The following MARCHF1 variants were observed in gnomAD, a reference collection of about 807,000 sequenced individuals.
MARCHF1 encodes the protein membrane associated ring-CH-type finger 1.
A neutral mutation model predicts 54.2 loss-of-function variants in MARCHF1; 40 were observed. That is an observed-to-expected ratio of 0.74 (90% confidence interval 0.57 to 0.96). The LOEUF is 0.96. Ranked by LOEUF, MARCHF1 falls within the 40% of genes least tolerant of loss-of-function variation. The pLI is 0.00. For missense variants in MARCHF1, 586 were observed against 656.5 expected (o/e 0.89, Z 1.17); for synonymous variants, 236 against 236.3 (o/e 1.00, Z 0.01).
rs541592444 is a variant in MARCHF1 at position 164,347,446 on chromosome 4, AG to A, written c.-323+36423del. On this transcript the variant is annotated intron_variant, in intron 1 of 9. Transcript: ENST00000514618. ...TTTCCTCTATTATCCCACTCAGCCA[AG>A]GGGCTTGACATACCCTCTGCATCAT... Among the ~76,000 whole-genome samples, 565 of 152,284 alleles carry A rather than the reference AG, an allele frequency of 3.7e-3. 3 individuals are homozygous for A. Among genetic ancestry groups the A allele is most frequent in the African/African-American group, 0.013 (537 of 41,568 alleles).
chr4:164,372,030 G>A lies in MARCHF1; in HGVS notation c.-323+11840C>T, dbSNP rs563458988. On this transcript the variant is annotated intron_variant, in intron 1 of 9. Transcript: ENST00000514618. ...CAGGAGGTCAAGGCTGCCAGTGATG[G>A]CGCCACGGCATTCCAGCCTGGGTGA... is the stretch of plus-strand genomic sequence containing the variant. Among the ~76,000 whole-genome samples the A allele has an allele frequency of 1.6e-4, 24 of 152,306 alleles. No homozygotes were observed. The East Asian group carries it at 4.4e-3, about 28-fold the overall frequency.
At chr4:164,315,019 GA>G (rs1734958884) in intron 1 of MARCHF1, among the ~76,000 whole-genome samples, 1 of 152,050 alleles carries the variant, frequency 6.6e-6, no homozygotes, top group African/African-American at 2.4e-5. Flanking sequence ...ATGTCAAACA[GA>G]GTACATTAGC....
intron 1 of MARCHF1, among the ~76,000 whole-genome samples, chr4:164,304,079 T>C (rs1352704291): frequency 6.6e-6 from 1 of 152,132 alleles, no homozygotes; most frequent in Non-Finnish European, 1.5e-5. Flanking sequence ...TATAAATTAA[T>C]CCTTAAAGAT....
In MARCHF1 at chr4:164,182,332, C is replaced by A. The variant is rs140238179; in HGVS notation, c.-322-70670G>T. Among the ~76,000 whole-genome samples, 163 of 151,788 alleles carry A rather than the reference C, an allele frequency of 1.1e-3. 1 individual carries two copies. The highest frequency in any genetic ancestry group is 3.9e-3 in the African/African-American group (160 of 41,446). On this transcript the variant is annotated intron_variant, in intron 1 of 9. Transcript: ENST00000514618. ...AATATATAGCAATTTTTAAATATTT[C>A]TATAAAATATTTTCAAAAACAAAAT...
intron 1 of MARCHF1, among the ~76,000 whole-genome samples, chr4:164,236,275 T>C (rs568157803): frequency 6.6e-6 from 1 of 152,270 alleles, no homozygotes; most frequent in East Asian, 1.9e-4. Flanking sequence ...TTTCCATTAA[T>C]AAATCAATAT....
chr4:164,033,978 C>T (rs1161891195), intron 2 of MARCHF1, among the ~76,000 whole-genome samples: 3 of 151,910 alleles, frequency 2.0e-5, no homozygotes, highest in East Asian at 1.9e-4. Flanking sequence ...TGCATGTATA[C>T]GTTTTCTGCA....
chr4:164,312,256 C>T (rs375229350), intron 1 of MARCHF1, among the ~76,000 whole-genome samples: 28 of 151,068 alleles, frequency 1.9e-4, no homozygotes, highest in East Asian at 1.7e-3. Context: ...TAGAATTGCA[C>T]GTAAAGCAAC....
intron 5 of MARCHF1, among the ~76,000 whole-genome samples, chr4:163,693,437 G>A (rs1488394549): frequency 1.3e-5 from 2 of 151,336 alleles, no homozygotes; most frequent in Non-Finnish European, 2.9e-5. Context: ...TCTGAGTGGG[G>A]CCTAGAATGA....
chr4:164,100,217 A>G (rs1755510483), intron 2 of MARCHF1, among the ~76,000 whole-genome samples: 1 of 71,782 alleles, frequency 1.4e-5, no homozygotes, highest in Non-Finnish European at 3.3e-5. Flanking sequence ...CAATAGCAAG[A>G]GAAACGTGTA....
At chr4:163,765,469 C>G (rs1441920002) in intron 4 of MARCHF1, among the ~76,000 whole-genome samples, 1 of 152,072 alleles carries the variant, frequency 6.6e-6, no homozygotes, top group African/African-American at 2.4e-5. Context: ...ACTAATCTGT[C>G]AATTGTAGCC....
At chr4:163,922,691 G>A (rs558433113) in intron 3 of MARCHF1, among the ~76,000 whole-genome samples, 2 of 152,154 alleles carry the variant, frequency 1.3e-5, no homozygotes, top group Non-Finnish European at 2.9e-5. Context: ...AGCTACATTA[G>A]ATATTTTAGC....
intron 4 of MARCHF1, among the ~76,000 whole-genome samples, chr4:163,803,610 G>T (rs945932455): frequency 5.3e-5 from 8 of 152,166 alleles, no homozygotes; most frequent in African/African-American, 1.9e-4. Flanking sequence ...CTCAAGCATA[G>T]TGCCCACTTG....
At chr4:164,134,439 T>C (rs529850399) in intron 1 of MARCHF1, among the ~76,000 whole-genome samples, 2 of 152,322 alleles carry the variant, frequency 1.3e-5, no homozygotes, top group African/African-American at 4.8e-5. Flanking sequence ...ATACATTACA[T>C]TTTCTCTGCT....
chr4:163,623,095 C>T lies in MARCHF1; in HGVS notation c.163-9702G>A, dbSNP rs919727890. Among the ~76,000 whole-genome samples the T allele has an allele frequency of 1.8e-4, 27 of 152,198 alleles. 1 individual carries two copies. The highest frequency in any genetic ancestry group is 6.0e-4 in the African/African-American group (25 of 41,544). ...GGTTTGAAGTACTAGCCCATGTCACCTCCCATTTTTCAACAGAAATTGCCA... is the reference window on the plus strand; with the variant it reads ...GGTTTGAAGTACTAGCCCATGTCACTTCCCATTTTTCAACAGAAATTGCCA... On this transcript the variant is annotated intron_variant, in intron 5 of 9. Transcript: ENST00000514618.
intron 1 of MARCHF1, among the ~76,000 whole-genome samples, chr4:164,183,638 C>T (rs748509635): frequency 1.1e-4 from 16 of 152,178 alleles, no homozygotes; most frequent in Middle Eastern, 6.8e-3. Flanking sequence ...CTTTTGGAGC[C>T]AAAATTATTC....
intron 1 of MARCHF1, among the ~76,000 whole-genome samples, chr4:164,267,190 A>G (rs1392032967): frequency 2.0e-5 from 3 of 152,198 alleles, no homozygotes; most frequent in African/African-American, 7.2e-5. Context: ...CCTGAATAAG[A>G]AATATTCTGG....
intron 5 of MARCHF1, among the ~76,000 whole-genome samples, chr4:163,681,613 G>C (rs756961556): frequency 1.3e-5 from 2 of 152,078 alleles, no homozygotes; most frequent in Non-Finnish European, 2.9e-5. Context: ...TTTTATAAGG[G>C]GCTTTTCCCC....
intron 3 of MARCHF1, among the ~76,000 whole-genome samples, chr4:163,865,109 C>T (rs761142666): frequency 6.6e-6 from 1 of 151,810 alleles, no homozygotes; most frequent in Non-Finnish European, 1.5e-5. Context: ...TAAAGCAATG[C>T]CTTAAGAATA....
Position 163,879,885 on chromosome 4 carries a change from T to C in MARCHF1, c.-38-25716A>G, listed in dbSNP as rs1001074382. Among the ~76,000 whole-genome samples the C allele has an allele frequency of 2.6e-5, 4 of 151,802 alleles. No homozygotes were observed. The East Asian group carries it at 7.7e-4, about 29-fold the overall frequency. On this transcript the variant is annotated intron_variant, in intron 3 of 9. Transcript: ENST00000514618. The stretch of plus-strand genomic sequence containing the variant: ...TAAAAGGCAATGTAACTTGCATACA[T>C]TGAAAGATTTAATATGGGAGCTATT...
Sources: allele counts gnomAD v4.1 joint callset (sites outside exome capture counted in the v4.1 genomes callset), GRCh38; gene constraint gnomAD v4.1.1; transcripts MANE v1.5; gene names NCBI Gene and HGNC (gene_info 2026-07-23, HGNC 2026-07-21).